KCNMA1: variants seen among roughly 807,000 people sequenced by gnomAD.
KCNMA1 encodes the protein potassium calcium-activated channel subfamily M alpha 1.
A neutral mutation model predicts 140.0 loss-of-function variants in KCNMA1; 29 were observed. The observed-to-expected ratio is 0.21, with a 90% CI of 0.15 to 0.28. The LOEUF is 0.28. Ranked by LOEUF, KCNMA1 falls within the 10% of genes least tolerant of loss-of-function variation. The pLI is 1.00. For missense variants in KCNMA1, 880 were observed against 1,602.2 expected, an observed-to-expected ratio of 0.55 and a Z score of 7.70; for synonymous variants, 612 against 611.9, an observed-to-expected ratio of 1.00 and a Z score of 0.00.
At chr10:77,256,260 G>A (rs1406570086) in intron 2 of KCNMA1, among the ~76,000 whole-genome samples, 1 of 152,154 alleles carries the variant, frequency 6.6e-6, no homozygotes, top group Admixed American at 6.5e-5. Flanking sequence ...TATGCTTTCA[G>A]CGGGTGTGTG....
intron 1 of KCNMA1, among the ~76,000 whole-genome samples, chr10:77,625,303 C>A (rs1459022370): frequency 6.6e-6 from 1 of 152,054 alleles, no homozygotes; most frequent in Non-Finnish European, 1.5e-5. Context: ...ATGGCTTGAA[C>A]CTGGGAGGCG....
intron 3 of KCNMA1, among the ~76,000 whole-genome samples, chr10:77,230,511 C>A (rs1228500439): frequency 6.6e-6 from 1 of 152,182 alleles, no homozygotes; most frequent in Non-Finnish European, 1.5e-5. Flanking sequence ...CACAAGTTCT[C>A]TATTGCACTG....
At chr10:77,498,652 C>T (rs1422828123) in intron 1 of KCNMA1, 1 of 152,214 alleles carries the variant, frequency 6.6e-6, no homozygotes, top group African/African-American at 2.4e-5. Context: ...CCGAGAGTAG[C>T]ATTCTATGGG....
chr10:77,514,439 T>C (rs116028702), intron 1 of KCNMA1, among the ~76,000 whole-genome samples: 191 of 152,272 alleles, frequency 1.3e-3, no homozygotes, highest in African/African-American at 4.4e-3. Context: ...GTTCAGCCTC[T>C]TCCTCCAAGC....
At chr10:76,945,931 C>T (rs527448833) in intron 22 of KCNMA1, among the ~76,000 whole-genome samples, 196 of 152,118 alleles carry the variant, frequency 1.3e-3, no homozygotes, top group Non-Finnish European at 2.5e-3. Flanking sequence ...AAATAGGATT[C>T]GTGGGGGTGA....
intron 2 of KCNMA1, among the ~76,000 whole-genome samples, chr10:77,347,465 G>T (rs1254574537): frequency 6.6e-6 from 1 of 152,166 alleles, no homozygotes; most frequent in Non-Finnish European, 1.5e-5. Context: ...CTGAGATGAG[G>T]TTCGTGTCTG....
At chr10:77,377,485 C>T (rs1392699990) in intron 2 of KCNMA1, among the ~76,000 whole-genome samples, 2 of 152,086 alleles carry the variant, frequency 1.3e-5, no homozygotes, top group East Asian at 3.9e-4. Flanking sequence ...CTAGATGGGT[C>T]CCTCTGGGGT....
intron 2 of KCNMA1, among the ~76,000 whole-genome samples, chr10:77,321,547 A>G (rs989602285): frequency 2.0e-5 from 3 of 152,248 alleles, no homozygotes; most frequent in Non-Finnish European, 2.9e-5. Flanking sequence ...CATCCAGCAG[A>G]CAGAACAAGA....
rs1168036173 is a variant in KCNMA1, at chr10:76,885,260, T to C, written c.*2006A>G. On this transcript the variant is annotated 3_prime_UTR_variant, in exon 28 of 28. Coordinates refer to ENST00000286628, the MANE Select transcript of KCNMA1 (RefSeq NM_001161352.2). ...ATAGTTATATATATATAATTATATA[T>C]AGTTTATATAAAGAGATAGTTATAC... 5.7e-6 allele frequency: 3 copies of C among 525,432 alleles called. No homozygotes were observed. The highest frequency in any genetic ancestry group is 8.3e-5 in the South Asian group (1 of 11,984). 32.5% of individuals were successfully genotyped at this position (525,432 alleles called of 1,614,324 possible).
intron 3 of KCNMA1, among the ~76,000 whole-genome samples, chr10:77,230,504 A>C (rs2053216676): frequency 6.6e-6 from 1 of 152,234 alleles, no homozygotes; most frequent in South Asian, 2.1e-4. Context: ...GATATTTCAC[A>C]AGTTCTCTAT....
At chr10:76,952,007 A>G (rs1363967754) in intron 21 of KCNMA1, 1 of 1,548,200 alleles carries the variant, frequency 6.5e-7, no homozygotes, top group Admixed American at 2.0e-5. Flanking sequence ...AAATGATGTT[A>G]TTTTTCATAG....
chr10:77,438,755 C>A (rs1263154070), intron 1 of KCNMA1, among the ~76,000 whole-genome samples: 7 of 152,070 alleles, frequency 4.6e-5, no homozygotes, highest in African/African-American at 1.7e-4. Flanking sequence ...TCCTTCTCTC[C>A]ACAACATTTT....
intron 14 of KCNMA1, among the ~76,000 whole-genome samples, chr10:77,068,704 G>GTGTGTGTC (rs2096060125): frequency 7.0e-6 from 1 of 141,972 alleles, no homozygotes; most frequent in Non-Finnish European, 1.5e-5. Flanking sequence ...GGTTTTGTGT[G>GTGTGTGTC]TGTGTGTGTG....
chr10:77,483,438 C>A (rs143726623), intron 1 of KCNMA1, among the ~76,000 whole-genome samples: 30 of 152,170 alleles, frequency 2.0e-4, no homozygotes, highest in Non-Finnish European at 3.7e-4. Flanking sequence ...TGGGGCTCAT[C>A]GGGGCAGGTG....
chr10:77,206,699 TG>T (rs1450714563), intron 3 of KCNMA1, among the ~76,000 whole-genome samples: 9 of 151,966 alleles, frequency 5.9e-5, no homozygotes, highest in African/African-American at 2.2e-4. Context: ...TTTTGTTCAC[TG>T]TTTCACCAAA....
At chr10:77,308,741 C>T (rs2078481291) in intron 2 of KCNMA1, among the ~76,000 whole-genome samples, 1 of 152,190 alleles carries the variant, frequency 6.6e-6, no homozygotes, top group Admixed American at 6.5e-5. Context: ...CATACATTAC[C>T]TGCCCTGAGT....
chr10:77,432,412 C>A (rs1195453337), intron 1 of KCNMA1, among the ~76,000 whole-genome samples: 2 of 152,228 alleles, frequency 1.3e-5, no homozygotes, highest in Non-Finnish European at 2.9e-5. Context: ...CATTTCACAA[C>A]TGTGGAACCC....
At chr10:77,295,798 A>C (rs1289597898) in intron 2 of KCNMA1, among the ~76,000 whole-genome samples, 14 of 147,190 alleles carry the variant, frequency 9.5e-5, no homozygotes, top group East Asian at 1.9e-4. Context: ...AAAAAAAAAA[A>C]AAAAAAAAAA....
rs546623652 is a variant in KCNMA1 at position 76,916,578 on chromosome 10, C to T, written c.2903-1529G>A. 2.6e-5 allele frequency among the ~76,000 whole-genome samples: 4 copies of T among 152,326 alleles called. No individual in the cohort carries two copies. In the South Asian group the frequency reaches 8.3e-4, roughly 32 times the overall value. On this transcript the variant is annotated intron_variant, in intron 23 of 27. Coordinates refer to ENST00000286628, the MANE Select transcript of KCNMA1 (RefSeq NM_001161352.2). ...AGCATTCACACTCACTTCGGTTTCTCCTTTTTTCCTTCAGCGGAATGCTAC... is the reference window on the plus strand; with the variant it reads ...AGCATTCACACTCACTTCGGTTTCTTCTTTTTTCCTTCAGCGGAATGCTAC...
Sources: gnomAD v4.1 joint callset for allele counts (sites outside exome capture counted in the v4.1 genomes callset) on GRCh38, gnomAD v4.1.1 for gene constraint, MANE v1.5 for transcripts, NCBI Gene and HGNC (gene_info 2026-07-23, HGNC 2026-07-21) for gene names.